The following TERF1 variants were observed in gnomAD, a reference collection of about 807,000 sequenced individuals.
The protein encoded by TERF1 is telomeric repeat-binding factor 1.
A neutral mutation model predicts 55.1 loss-of-function variants in TERF1; 20 were observed. That is an observed-to-expected ratio of 0.36 (90% confidence interval 0.26 to 0.53). The LOEUF is 0.53. Among genes scored for constraint, TERF1 ranks in the 20% least tolerant of loss-of-function variants. The pLI is 0.91. For synonymous variants in TERF1, 168 were observed against 181.2 expected (o/e 0.93, Z 0.59); for missense variants, 439 against 535.7 (o/e 0.82, Z 1.78).
intron 2 of TERF1, among the ~76,000 whole-genome samples, chr8:73,017,508 G>A (rs1808559896): frequency 6.6e-6 from 1 of 151,990 alleles, no homozygotes. Context: ...TTCCTGAAGT[G>A]TTCTCCTTCC....
At chr8:73,013,750 TGA>T (rs1292618006) in intron 1 of TERF1, 143 bp from the exon 2 acceptor site, 1 of 579,192 alleles carries the variant, frequency 1.7e-6, no homozygotes, top group Non-Finnish European at 3.1e-6. Flanking sequence ...TTTTTTGTTC[TGA>T]ATTTTAATCA....
At chr8:73,010,741 T>C (rs1337374378) in intron 1 of TERF1, 1 of 152,178 alleles carries the variant, frequency 6.6e-6, no homozygotes, top group Non-Finnish European at 1.5e-5. Context: ...TTAAGGAAGC[T>C]GAAACAGAAC....
chr8:73,020,387 TAAG>T (rs1170849702), intron 2 of TERF1, among the ~76,000 whole-genome samples: 1 of 152,194 alleles, frequency 6.6e-6, no homozygotes, highest in Non-Finnish European at 1.5e-5. Context: ...AGGAACCACT[TAAG>T]AATTCTGTTG....
intron 8 of TERF1, among the ~76,000 whole-genome samples, chr8:73,037,801 TA>T (rs1364938852): frequency 1.0e-5 from 1 of 98,766 alleles, no homozygotes; most frequent in African/African-American, 4.4e-5. Context: ...TATAGTATAA[TA>T]ATATATATAT....
rs1810020911 is a variant in TERF1, at chr8:73,046,113, G to A, written c.1296G>A (p.Leu432=). 6.3e-7 allele frequency: 1 copy of A among 1,598,456 alleles called. No homozygotes were observed. The highest frequency in any genetic ancestry group is 1.4e-5 in the African/African-American group (1 of 73,882). ...DRWRTMKKLK[L]ISSDSED ...GGAGGACCATGAAGAAACTAAAACTGATTTCCTCAGACAGCGAAGACTGAT... is the reference window on the plus strand; with the variant it reads ...GGAGGACCATGAAGAAACTAAAACTAATTTCCTCAGACAGCGAAGACTGAT... Residue 432 remains leucine (L), a synonymous_variant, in exon 10 of 10, where the codon CTG becomes CTA. Transcript: ENST00000276603.
chr8:73,019,616 A>G (rs1808666155), intron 2 of TERF1, among the ~76,000 whole-genome samples: 1 of 152,136 alleles, frequency 6.6e-6, no homozygotes, highest in Admixed American at 6.5e-5. Context: ...ACTGAGCCTC[A>G]GACTCCTGGC....
rs765026300 is a variant in TERF1 at position 73,026,920 on chromosome 8, C to T, written c.775-20C>T. On this transcript the variant is annotated intron_variant, in intron 5 of 9. Coordinates refer to ENST00000276603, the MANE Select transcript of TERF1 (RefSeq NM_017489.3). ...AATGCATTTCTTCCTATCCTTCTAC[C>T]TCCACGCACGTTTTTTAAGGCAGCG... 3 of 1,584,660 alleles carry T rather than the reference C, an allele frequency of 1.9e-6. No individual in the cohort carries two copies. Among genetic ancestry groups the T allele is most frequent in the Admixed American group, 3.4e-5 (2 of 58,984 alleles).
intron 9 of TERF1, among the ~76,000 whole-genome samples, chr8:73,042,242 A>G (rs1308521203): frequency 1.3e-5 from 2 of 152,200 alleles, no homozygotes; most frequent in Non-Finnish European, 2.9e-5. Context: ...ACAGATATAT[A>G]TGAGGAAAAC....
intron 8 of TERF1, among the ~76,000 whole-genome samples, chr8:73,037,864 G>GATATATAATATATATAAATATA (rs1809658730): frequency 1.0e-5 from 1 of 96,434 alleles, no homozygotes; most frequent in Non-Finnish European, 1.9e-5. Flanking sequence ...ATATAAATAT[G>GATATATAATATATATAAATATA]ATATATAATA....
intron 1 of TERF1, chr8:73,009,496 A>G (rs991398248): frequency 5.5e-6 from 2 of 363,838 alleles, no homozygotes; most frequent in African/African-American, 4.3e-5. Context: ...TCAACCCAGT[A>G]CCTTTGTCTC....
chr8:73,029,443 G>A (rs1182211357), intron 6 of TERF1, among the ~76,000 whole-genome samples: 1 of 151,992 alleles, frequency 6.6e-6, no homozygotes, highest in Non-Finnish European at 1.5e-5. Flanking sequence ...TAGGCAACAT[G>A]GCAGAACCTT....
chr8:73,042,905 G>A (rs905761726), intron 9 of TERF1: 2 of 152,152 alleles, frequency 1.3e-5, no homozygotes, highest in African/African-American at 4.8e-5. Context: ...ATAAAACAAA[G>A]GAAATGGGTT....
At chr8:73,037,522 A>G (rs908943381) in intron 8 of TERF1, among the ~76,000 whole-genome samples, 1 of 119,908 alleles carries the variant, frequency 8.3e-6, no homozygotes, top group Non-Finnish European at 1.7e-5. Context: ...AATAAAATAT[A>G]TAAACCTTGG....
chr8:73,012,652 A>G (rs1275641177), intron 1 of TERF1: 1 of 232,474 alleles, frequency 4.3e-6, no homozygotes, highest in Non-Finnish European at 8.9e-6. Flanking sequence ...AGCCTGGGCG[A>G]CAGAGCGTGA....
intron 1 of TERF1, among the ~76,000 whole-genome samples, chr8:73,013,225 T>C (rs940534502): frequency 2.0e-5 from 3 of 152,236 alleles, no homozygotes; most frequent in Non-Finnish European, 2.9e-5. Context: ...AGACATTATT[T>C]CCTCAGAGAA....
Position 73,009,106 on chromosome 8 carries a change from G to A in TERF1, c.220G>A (p.Ala74Thr). The change falls in exon 1 of 10, where the codon GCT (alanine) becomes ACT (threonine). Residue 74 changes from alanine to threonine, a missense_variant. Ala to Thr is a moderately conservative substitution (Grantham distance 58). Coordinates refer to ENST00000276603, the MANE Select transcript of TERF1 (RefSeq NM_017489.3). Reference sequence around the variant, plus strand: ...CCTGGTGGCCGAGGCCGAGGCCGTGGCTGCCGGCTGGATGCTCGATTTCCT... The same window carrying A: ...CCTGGTGGCCGAGGCCGAGGCCGTGACTGCCGGCTGGATGCTCGATTTCCT... ...AGLVAEAEAV[A>T]AGWMLDFLCL... 1 of 1,610,342 alleles carries A rather than the reference G, an allele frequency of 6.2e-7. No homozygotes were observed. Among genetic ancestry groups the A allele is most frequent in the Non-Finnish European group, 8.5e-7 (1 of 1,179,292 alleles).
chr8:73,009,959 C>G (rs1808219477), intron 1 of TERF1: 1 of 152,008 alleles, frequency 6.6e-6, no homozygotes. Context: ...CCTCCTCAGG[C>G]TCAGGTATCC....
intron 8 of TERF1, chr8:73,038,733 CTATGAA>C: frequency 1.0e-6 from 1 of 964,662 alleles, no homozygotes; most frequent in Non-Finnish European, 1.2e-6. Flanking sequence ...ACCAAACTGA[CTATGAA>C]TAAGAAAGAA....
intron 5 of TERF1, among the ~76,000 whole-genome samples, chr8:73,025,467 G>T (rs1178059946): frequency 2.7e-5 from 4 of 150,618 alleles, no homozygotes; most frequent in African/African-American, 7.3e-5. Context: ...AAAAAAATTA[G>T]CTGGGCCGGG....
Sources: allele counts gnomAD v4.1 joint callset (sites outside exome capture counted in the v4.1 genomes callset), GRCh38; gene constraint gnomAD v4.1.1; transcripts MANE v1.5; gene names NCBI Gene and HGNC (gene_info 2026-07-23, HGNC 2026-07-21).